The following GPC5 variants were observed in gnomAD, a reference collection of about 807,000 sequenced individuals.
GPC5 encodes glypican 5.
In GPC5, 47 loss-of-function variants were observed where a neutral mutation model predicts 53.9. The ratio of observed to expected loss-of-function variants is 0.87; its 90% CI spans 0.69 to 1.11. The LOEUF (loss-of-function observed/expected upper bound fraction) is 1.11. Among genes scored for constraint, GPC5 ranks in the 50% most tolerant of loss-of-function variants. The probability of loss-of-function intolerance (pLI) is 0.00; values close to 1 mark genes in which losing one functional copy is unlikely to be tolerated. For missense variants in GPC5, 748 were observed against 713.1 expected (o/e 1.05, Z -0.56); for synonymous variants, 286 against 263.3 (o/e 1.09, Z -0.84).
chr13:92,357,250 T>G (rs2043529985), intron 7 of GPC5, among the ~76,000 whole-genome samples: 1 of 151,764 alleles, frequency 6.6e-6, no homozygotes, highest in African/African-American at 2.4e-5. Context: ...GATTTCTGAG[T>G]TGAATGGTAG....
intron 6 of GPC5, among the ~76,000 whole-genome samples, chr13:92,054,466 T>C (rs1472868157): frequency 6.6e-6 from 1 of 152,138 alleles, no homozygotes; most frequent in Non-Finnish European, 1.5e-5. Flanking sequence ...TTTATGTATA[T>C]TAATTTACTT....
At chr13:91,499,394 A>C (rs1479334263) in intron 2 of GPC5, among the ~76,000 whole-genome samples, 1 of 152,142 alleles carries the variant, frequency 6.6e-6, no homozygotes, top group Non-Finnish European at 1.5e-5. Context: ...GAGATGGAGA[A>C]AGTCAAGGAT....
chr13:92,643,774 G>T (rs1315716620), intron 7 of GPC5, among the ~76,000 whole-genome samples: 2 of 150,278 alleles, frequency 1.3e-5, no homozygotes, highest in Non-Finnish European at 3.0e-5. Context: ...TATACCTAAT[G>T]CTAGATGACG....
At chr13:91,418,937 A>G (rs1347797187) in intron 1 of GPC5, among the ~76,000 whole-genome samples, 1 of 151,994 alleles carries the variant, frequency 6.6e-6, no homozygotes, top group Non-Finnish European at 1.5e-5. Context: ...TTTCAGTTGT[A>G]CATACAGCTG....
chr13:91,416,786 C>CT (rs756249479), intron 1 of GPC5, among the ~76,000 whole-genome samples: 2 of 152,098 alleles, frequency 1.3e-5, no homozygotes, highest in East Asian at 1.9e-4. Context: ...TGAATTCATC[C>CT]TTTTTTATGG....
rs1450624529 is a variant in GPC5 at position 92,140,604 on chromosome 13, ACT to A, written c.1402-4222_1402-4221del. On this transcript the variant is annotated intron_variant, in intron 6 of 7. Coordinates refer to ENST00000377067, the MANE Select transcript of GPC5 (RefSeq NM_004466.6). ...TGTGACCCATCTTTTTGGATTGATA[ACT>A]CTCCTCTAGACACATGTCATGTTGG... Among the ~76,000 whole-genome samples the A allele has an allele frequency of 4.6e-5, 7 of 152,050 alleles. No individual in the cohort carries two copies. In the East Asian group the frequency reaches 1.3e-3, roughly 29 times the overall value.
chr13:91,562,610 T>A (rs1032140683), intron 2 of GPC5, among the ~76,000 whole-genome samples: 8 of 147,294 alleles, frequency 5.4e-5, no homozygotes, highest in African/African-American at 1.8e-4. Flanking sequence ...TGCGCCATGA[T>A]GCCTGGCTAT....
intron 6 of GPC5, among the ~76,000 whole-genome samples, chr13:91,972,837 C>CTGTT (rs2040257398): frequency 6.6e-6 from 1 of 152,242 alleles, no homozygotes; most frequent in Non-Finnish European, 1.5e-5. Flanking sequence ...GAGAGATCCA[C>CTGTT]TGTTAGTCTG....
intron 7 of GPC5, among the ~76,000 whole-genome samples, chr13:92,547,819 C>CTTATTTTTTTT (rs1882172276): frequency 1.0e-5 from 1 of 100,448 alleles, no homozygotes; most frequent in African/African-American, 4.0e-5. Context: ...GCCTATTATT[C>CTTATTTTTTTT]TTTTTTTTTT....
intron 7 of GPC5, among the ~76,000 whole-genome samples, chr13:92,726,843 C>T (rs1224056850): frequency 2.0e-5 from 3 of 151,376 alleles, no homozygotes; most frequent in Admixed American, 1.3e-4. Context: ...AATAAGTACT[C>T]GTTCTGAATG....
chr13:92,657,767 A>G (rs1181449737), intron 7 of GPC5, among the ~76,000 whole-genome samples: 1 of 151,924 alleles, frequency 6.6e-6, no homozygotes, highest in Non-Finnish European at 1.5e-5. Flanking sequence ...AGAAAACAGG[A>G]AATGGATTCT....
intron 7 of GPC5, among the ~76,000 whole-genome samples, chr13:92,527,087 A>G (rs1305398329): frequency 8.7e-6 from 1 of 115,454 alleles, no homozygotes; most frequent in African/African-American, 3.0e-5. Context: ...ACAATATGAG[A>G]TTCTGTAGGA....
intron 6 of GPC5, among the ~76,000 whole-genome samples, chr13:92,081,086 G>A (rs2041291299): frequency 6.6e-6 from 1 of 152,036 alleles, no homozygotes; most frequent in Admixed American, 6.6e-5. Flanking sequence ...CTCACCCACT[G>A]GTATATGTCT....
intron 6 of GPC5, among the ~76,000 whole-genome samples, chr13:92,068,932 A>C (rs73625215): frequency 0.031 from 4,687 of 151,910 alleles, 221 homozygotes; most frequent in African/African-American, 0.11. Flanking sequence ...ATTTGGTGTC[A>C]TATCTAAGAA....
At chr13:92,637,137 C>T (rs1885433910) in intron 7 of GPC5, among the ~76,000 whole-genome samples, 1 of 152,144 alleles carries the variant, frequency 6.6e-6, no homozygotes, top group Admixed American at 6.6e-5. Flanking sequence ...CCTAATAGTC[C>T]TATCCATTCC....
At chr13:92,705,548 ATTTC>A (rs542605943) in intron 7 of GPC5, among the ~76,000 whole-genome samples, 156 of 152,274 alleles carry the variant, frequency 1.0e-3, no homozygotes, top group Non-Finnish European at 1.7e-3. Flanking sequence ...CTCATCAATA[ATTTC>A]TTTCTATCTT....
intron 7 of GPC5, among the ~76,000 whole-genome samples, chr13:92,544,679 T>G (rs376195541): frequency 3.7e-4 from 57 of 152,236 alleles, no homozygotes; most frequent in African/African-American, 1.3e-3. Flanking sequence ...TTTTGTTGTA[T>G]TAGTAGTGAA....
At chr13:91,735,183 G>A (rs4773646) in intron 4 of GPC5, among the ~76,000 whole-genome samples, 61,652 of 150,782 alleles carry the variant, frequency 0.41, 15,148 homozygotes, top group East Asian at 0.66. Context: ...AACTCAAAAA[G>A]AGATTCTACT....
chr13:92,193,988 A>G (rs1046632236), intron 7 of GPC5, among the ~76,000 whole-genome samples: 3 of 152,244 alleles, frequency 2.0e-5, no homozygotes, highest in East Asian at 1.9e-4. Flanking sequence ...GTTTAGTACC[A>G]TGGTGAACTC....
Sources: gnomAD v4.1 joint callset for allele counts (sites outside exome capture counted in the v4.1 genomes callset) on GRCh38, gnomAD v4.1.1 for gene constraint, MANE v1.5 for transcripts, NCBI Gene and HGNC (gene_info 2026-07-23, HGNC 2026-07-21) for gene names.